MRTFA: variants seen among roughly 807,000 people sequenced by gnomAD.
MRTFA encodes the protein myocardin-related transcription factor A.
MRTFA carries 20 observed loss-of-function variants against 83.5 expected under a neutral mutation model. The ratio of observed to expected loss-of-function variants is 0.24; its 90% CI spans 0.17 to 0.35. The LOEUF (loss-of-function observed/expected upper bound fraction) is 0.35, where lower values mean the gene tolerates loss of function less well. Ranked by LOEUF, MRTFA falls within the 10% of genes least tolerant of loss-of-function variation. The probability of loss-of-function intolerance (pLI) is 1.00; values close to 1 mark genes in which losing one functional copy is unlikely to be tolerated. For missense variants in MRTFA, 1,200 were observed against 1,224.7 expected (o/e 0.98, Z 0.30); for synonymous variants, 659 against 541.2 (o/e 1.22, Z -3.02).
chr22:40,443,501 T>G (rs1192638074), intron 4 of MRTFA, among the ~76,000 whole-genome samples: 1 of 149,228 alleles, frequency 6.7e-6, no homozygotes, highest in Non-Finnish European at 1.5e-5. Flanking sequence ...GCTTCATATA[T>G]CCAGGCTTAA....
intron 5 of MRTFA, among the ~76,000 whole-genome samples, chr22:40,434,129 C>A (rs1180924672): frequency 1.3e-5 from 2 of 152,176 alleles, no homozygotes; most frequent in African/African-American, 4.8e-5. Flanking sequence ...ATAAAACAGT[C>A]TCTTCTAATC....
At chr22:40,522,320 T>G (rs547938797) in intron 3 of MRTFA, 2 of 152,160 alleles carry the variant, frequency 1.3e-5, no homozygotes, top group Non-Finnish European at 2.9e-5. Context: ...CCCCACGCCT[T>G]CCCCTCAGCT....
intron 7 of MRTFA, among the ~76,000 whole-genome samples, chr22:40,427,074 A>G (rs1291054437): frequency 1.3e-5 from 2 of 152,220 alleles, no homozygotes; most frequent in East Asian, 1.9e-4. Context: ...CGCACAAGTC[A>G]TATTTTATTC....
chr22:40,597,286 T>C (rs1334479850), intron 1 of MRTFA, among the ~76,000 whole-genome samples: 11 of 152,258 alleles, frequency 7.2e-5, no homozygotes, highest in Admixed American at 7.2e-4. Flanking sequence ...AGTGTACTTC[T>C]ACATTCTCAC....
At chr22:40,432,501 T>C (rs937144880) in intron 5 of MRTFA, among the ~76,000 whole-genome samples, 3 of 151,976 alleles carry the variant, frequency 2.0e-5, no homozygotes, top group African/African-American at 4.8e-5. Context: ...ATAATATATA[T>C]ATATTCCCCT....
At chr22:40,510,663 A>G (rs2054652412) in intron 3 of MRTFA, among the ~76,000 whole-genome samples, 1 of 152,102 alleles carries the variant, frequency 6.6e-6, no homozygotes, top group African/African-American at 2.4e-5. Flanking sequence ...CCCTGCTTTA[A>G]AGGGGCCATA....
At chr22:40,489,344 T>C (rs1051986124) in intron 3 of MRTFA, among the ~76,000 whole-genome samples, 2 of 151,788 alleles carry the variant, frequency 1.3e-5, no homozygotes, top group Non-Finnish European at 2.9e-5. Context: ...AGACATAATT[T>C]CAAATTTTTT....
At chr22:40,417,168 G>C in intron 13 of MRTFA, 122 bp from the exon 14 acceptor site, 1 of 1,365,186 alleles carries the variant, frequency 7.3e-7, no homozygotes, top group South Asian at 1.3e-5. Context: ...AGGACCCATG[G>C]GCGTGCCCGG....
At chr22:40,576,110 C>T (rs1176006742) in intron 2 of MRTFA, among the ~76,000 whole-genome samples, 2 of 150,138 alleles carry the variant, frequency 1.3e-5, no homozygotes, top group Non-Finnish European at 3.0e-5. Flanking sequence ...CTCACTGCAA[C>T]CTCCACCCCG....
intron 3 of MRTFA, among the ~76,000 whole-genome samples, chr22:40,473,237 G>A (rs572810976): frequency 3.9e-5 from 6 of 152,120 alleles, no homozygotes; most frequent in Non-Finnish European, 7.4e-5. Flanking sequence ...ACGGCTCACC[G>A]CAGCCTTGAC....
At position 40,589,370 on chromosome 22, in the gene MRTFA, C is replaced by T. The variant is rs143717150; in HGVS notation, c.-22+5304G>A. ...CTGTGACCAACAAAAGTGCCAAATG[C>T]CTATTTAATCCTCATAAAAACGTAT... is the stretch of plus-strand genomic sequence containing the variant. On this transcript the variant is annotated intron_variant, in intron 2 of 14. Coordinates refer to ENST00000355630, the MANE Select transcript of MRTFA (RefSeq NM_020831.6). Among the ~76,000 whole-genome samples, 45 of 152,190 alleles carry T rather than the reference C, an allele frequency of 3.0e-4. No individual in the cohort carries two copies. The East Asian group carries it at 7.9e-3, about 27-fold the overall frequency.
chr22:40,413,234 T>C (rs986089787), intron 14 of MRTFA, among the ~76,000 whole-genome samples: 2 of 151,362 alleles, frequency 1.3e-5, no homozygotes, highest in South Asian at 2.1e-4. Context: ...GACAGGAGGA[T>C]TGGCTTCAAG....
intron 1 of MRTFA, among the ~76,000 whole-genome samples, chr22:40,634,086 T>A (rs1307746509): frequency 6.6e-6 from 1 of 151,314 alleles, no homozygotes; most frequent in Non-Finnish European, 1.5e-5. Context: ...ATCAGAAGAT[T>A]TATCAGGATT....
intron 1 of MRTFA, among the ~76,000 whole-genome samples, chr22:40,617,155 A>AGGG (rs1410077612): frequency 7.3e-4 from 81 of 110,458 alleles, no homozygotes; most frequent in African/African-American, 2.8e-3. Flanking sequence ...GGAAGGAAGG[A>AGGG]AGGAAGGAGG....
chr22:40,563,669 T>C (rs1032958238), intron 2 of MRTFA, among the ~76,000 whole-genome samples: 1 of 152,068 alleles, frequency 6.6e-6, no homozygotes, highest in Non-Finnish European at 1.5e-5. Context: ...TCAAGACCAA[T>C]CTGGTCAACA....
intron 1 of MRTFA, among the ~76,000 whole-genome samples, chr22:40,609,482 C>CAAAAAAA (rs148106089): frequency 2.9e-5 from 2 of 69,716 alleles, no homozygotes; most frequent in Admixed American, 1.8e-4. Flanking sequence ...GTCTCTTTAA[C>CAAAAAAA]AAAAAAAAAA....
At position 40,430,860 on chromosome 22, in the gene MRTFA, C is replaced by CAAA. The variant is rs1171650702; in HGVS notation, c.439+542_439+544dup. 9.6e-3 allele frequency among the ~76,000 whole-genome samples: 329 copies of CAAA among 34,222 alleles called. 1 individual carries two copies. Among genetic ancestry groups the CAAA allele is most frequent in the Middle Eastern group, 0.016 (1 of 64 alleles). The allele number at this position is 34,222 out of a possible 152,430, so 22.5% of individuals were successfully genotyped here. ...TGAGCAGCAGAGCAAGACTCCATCA[C>CAAA]AAAAAAAAAAAAAAAAAAAAAGCGG... On this transcript the variant is annotated intron_variant, in intron 6 of 14. Coordinates refer to ENST00000355630, the MANE Select transcript of MRTFA (RefSeq NM_020831.6).
chr22:40,457,562 C>G (rs1486857711), intron 4 of MRTFA, among the ~76,000 whole-genome samples: 1 of 151,898 alleles, frequency 6.6e-6, no homozygotes, highest in Non-Finnish European at 1.5e-5. Context: ...CCGTAGTAAT[C>G]AATCCTGGCA....
At position 40,419,044 on chromosome 22, in the gene MRTFA, G is replaced by C. The variant is rs146912313; in HGVS notation, c.1694C>G (p.Thr565Arg). The C allele has an allele frequency of 1.9e-6, 3 of 1,611,766 alleles. No homozygotes were observed. The highest frequency in any genetic ancestry group is 1.7e-4 in the Middle Eastern group (1 of 6,060). ...CCCGGGGGTGGAGTTTTCATCGCCCGTGCTGAGCAGTGAGCGCTCCGAGGG... is the reference window on the plus strand; with the variant it reads ...CCCGGGGGTGGAGTTTTCATCGCCCCTGCTGAGCAGTGAGCGCTCCGAGGG... Residue 565 changes from threonine (T) to arginine (R), a missense_variant, in exon 12 of 15, where the codon ACG becomes AGG. Coordinates refer to ENST00000355630, the MANE Select transcript of MRTFA (RefSeq NM_020831.6).
Sources: allele counts gnomAD v4.1 joint callset (sites outside exome capture counted in the v4.1 genomes callset), GRCh38; gene constraint gnomAD v4.1.1; transcripts MANE v1.5; gene names NCBI Gene and HGNC (gene_info 2026-07-23, HGNC 2026-07-21).